ANXA5: variants seen among roughly 807,000 people sequenced by gnomAD.
The protein encoded by ANXA5 is CBP-I.
A neutral mutation model predicts 48.1 loss-of-function variants in ANXA5; 40 were observed. The observed-to-expected ratio is 0.83, with a 90% CI of 0.65 to 1.08. The LOEUF (loss-of-function observed/expected upper bound fraction) is 1.08, where lower values mean the gene tolerates loss of function less well. Ranked by LOEUF, ANXA5 falls within the 50% of genes least tolerant of loss-of-function variation. The pLI is 0.00. For missense variants in ANXA5, 357 were observed against 376.8 expected (o/e 0.95, Z 0.44); for synonymous variants, 113 against 129.1 (o/e 0.88, Z 0.85).
chr4:121,695,912 G>GA (rs60664697), intron 2 of ANXA5, among the ~76,000 whole-genome samples: 3,060 of 136,958 alleles, frequency 0.022, 103 homozygotes, highest in African/African-American at 0.073. Flanking sequence ...AAAAAAAAAG[G>GA]AAAAAAAAAA....
intron 3 of ANXA5, among the ~76,000 whole-genome samples, chr4:121,685,319 G>C (rs1476874974): frequency 6.6e-6 from 1 of 152,030 alleles, no homozygotes; most frequent in African/African-American, 2.4e-5. Flanking sequence ...GAGAGATCTA[G>C]GTGTTAAATG....
At chr4:121,679,586 T>G (rs1262511200) in intron 6 of ANXA5, among the ~76,000 whole-genome samples, 2 of 152,100 alleles carry the variant, frequency 1.3e-5, no homozygotes, top group African/African-American at 4.8e-5. Context: ...CCTCCCACAA[T>G]GGACATGCAC....
intron 8 of ANXA5, among the ~76,000 whole-genome samples, chr4:121,673,446 T>C (rs898199718): frequency 1.8e-4 from 27 of 152,210 alleles, no homozygotes; most frequent in African/African-American, 6.5e-4. Context: ...GCAAGATGAA[T>C]GCAATTTGCT....
chr4:121,678,214 T>A (rs759248145), intron 7 of ANXA5: 4 of 610,358 alleles, frequency 6.6e-6, no homozygotes, highest in Non-Finnish European at 1.2e-5. Context: ...CTAAAACATG[T>A]ATGAGTTAGC....
At chr4:121,677,198 T>G (rs1047981467) in intron 8 of ANXA5, among the ~76,000 whole-genome samples, 9 of 152,240 alleles carry the variant, frequency 5.9e-5, no homozygotes, top group African/African-American at 2.2e-4. Context: ...AATTGTATAT[T>G]CTCTTAATTG....
intron 2 of ANXA5, among the ~76,000 whole-genome samples, chr4:121,693,824 G>C (rs1725027365): frequency 6.6e-6 from 1 of 152,172 alleles, no homozygotes; most frequent in Admixed American, 6.5e-5. Context: ...GCTCCAGAGA[G>C]ACTTGACTTT....
Position 121,683,373 on chromosome 4 carries a change from A to T in ANXA5, c.294T>A (p.His98Gln). 6.3e-7 allele frequency: 1 copy of T among 1,592,694 alleles called. No homozygotes were observed. The highest frequency in any genetic ancestry group is 8.6e-7 in the Non-Finnish European group (1 of 1,166,064). ...SRLYDAYELKHALKGAGTNEK... is the reference protein window; with the variant it reads ...SRLYDAYELKQALKGAGTNEK... ...CACTCATCCTTTTTACCTTCAAGGCATGTTTCAGTTCATAAGCATCATAAA... is the reference window on the plus strand; with the variant it reads ...CACTCATCCTTTTTACCTTCAAGGCTTGTTTCAGTTCATAAGCATCATAAA... Residue 98 changes from histidine (H) to glutamine (Q), a missense_variant, in exon 5 of 13, where the codon CAT becomes CAA. Physicochemically the swap from His to Gln is conservative, Grantham distance 24 (BLOSUM62 0). Coordinates refer to ENST00000296511, the MANE Select transcript of ANXA5 (RefSeq NM_001154.4).
At chr4:121,672,347 T>C (rs1273793278) in intron 9 of ANXA5, among the ~76,000 whole-genome samples, 186 bp downstream of exon 9, 1 of 152,194 alleles carries the variant, frequency 6.6e-6, no homozygotes, top group East Asian at 1.9e-4. Flanking sequence ...TCAGGATCTC[T>C]AGTTTGTAAA....
intron 10 of ANXA5, among the ~76,000 whole-genome samples, 199 bp downstream of exon 10, chr4:121,671,348 T>G (rs1469995491): frequency 2.0e-5 from 3 of 152,224 alleles, no homozygotes; most frequent in African/African-American, 4.8e-5. Flanking sequence ...CCATAGGATT[T>G]AGATGAACTA....
chr4:121,674,610 GT>G (rs150839795), intron 8 of ANXA5, among the ~76,000 whole-genome samples: 10,238 of 152,174 alleles, frequency 0.067, 839 homozygotes, highest in African/African-American at 0.19. Flanking sequence ...TGAGATGTCA[GT>G]TATTTTTACC....
intron 12 of ANXA5, 82 bp downstream of exon 12, chr4:121,669,520 A>G (rs1724575988): frequency 2.2e-5 from 34 of 1,525,018 alleles, no homozygotes; most frequent in Non-Finnish European, 3.0e-5. Context: ...CACAAGAATC[A>G]GGTTCTCTTA....
At chr4:121,674,043 C>T (rs1008187695) in intron 8 of ANXA5, among the ~76,000 whole-genome samples, 6 of 150,816 alleles carry the variant, frequency 4.0e-5, no homozygotes, top group African/African-American at 1.2e-4. Flanking sequence ...TATCCAGGCA[C>T]GGTGGCAGAT....
intron 3 of ANXA5, among the ~76,000 whole-genome samples, chr4:121,685,660 A>T (rs931008030): frequency 6.6e-6 from 1 of 152,218 alleles, no homozygotes; most frequent in African/African-American, 2.4e-5. Context: ...TGAGCACAGG[A>T]GATCAGTGAC....
intron 12 of ANXA5, 182 bp downstream of exon 12, chr4:121,669,420 A>C (rs1437497341): frequency 1.8e-5 from 13 of 721,838 alleles, no homozygotes; most frequent in South Asian, 3.8e-5. Context: ...CCATGCTTTC[A>C]CTTGGGAGCC....
intron 8 of ANXA5, among the ~76,000 whole-genome samples, chr4:121,675,628 TTCACATGTACAGTC>T (rs1724684363): frequency 3.9e-5 from 6 of 152,228 alleles, no homozygotes; most frequent in Admixed American, 3.9e-4. Flanking sequence ...TAAAGCAGTT[TTCACATGTACAGTC>T]TCACATGTAC....
chr4:121,696,491 T>G, intron 2 of ANXA5, 90 bp downstream of exon 2: 1 of 1,234,604 alleles, frequency 8.1e-7, no homozygotes, highest in South Asian at 3.5e-5. Context: ...CTCCTAAACT[T>G]TTTGGCTCTC....
chr4:121,688,354 A>G (rs531027039), intron 2 of ANXA5, among the ~76,000 whole-genome samples: 1 of 152,276 alleles, frequency 6.6e-6, no homozygotes, highest in African/African-American at 2.4e-5. Flanking sequence ...GCCTGCCTTC[A>G]GCAAGAATCC....
chr4:121,677,317 ATATTTTAATAAC>A (rs1560825505), intron 8 of ANXA5, among the ~76,000 whole-genome samples: 1 of 152,154 alleles, frequency 6.6e-6, no homozygotes, highest in African/African-American at 2.4e-5. Context: ...TTCCTTTCCT[ATATTTTAATAAC>A]TGTTTTATTA....
rs1463463083 is a variant in ANXA5 at position 121,695,217 on chromosome 4, T to A, written c.9+1364A>T. 2.0e-5 allele frequency among the ~76,000 whole-genome samples: 3 copies of A among 152,340 alleles called. No individual in the cohort carries two copies. The East Asian group carries it at 5.8e-4, about 29-fold the overall frequency. On this transcript the variant is annotated intron_variant, in intron 2 of 12. Coordinates refer to ENST00000296511, the MANE Select transcript of ANXA5 (RefSeq NM_001154.4). ...AGTATCCTTTCTATGGAGAAGAACTTAAACCAAACTTTCCACTTGAAGTAA... is the reference window on the plus strand; with the variant it reads ...AGTATCCTTTCTATGGAGAAGAACTAAAACCAAACTTTCCACTTGAAGTAA...
Sources: allele counts gnomAD v4.1 joint callset (sites outside exome capture counted in the v4.1 genomes callset), GRCh38; gene constraint gnomAD v4.1.1; transcripts MANE v1.5; gene names NCBI Gene and HGNC (gene_info 2026-07-23, HGNC 2026-07-21).